Variants in TBXAS1 observed in about 807,000 individuals in gnomAD.
TBXAS1 encodes the protein thromboxane A synthase 1, also known as thromboxane-A synthase.
Under a neutral mutation model 60.7 loss-of-function variants are expected in TBXAS1, and 48 were observed. The ratio of observed to expected loss-of-function variants is 0.79; its 90% CI spans 0.63 to 1.01. The LOEUF (loss-of-function observed/expected upper bound fraction) is 1.01, where lower values mean the gene tolerates loss of function less well. TBXAS1 is among the 50% of genes least tolerant of loss of function. The pLI, the probability that TBXAS1 is intolerant of heterozygous loss-of-function variation, is 0.00. For missense variants in TBXAS1, 685 were observed against 686.3 expected, an observed-to-expected ratio of 1.00 and a Z score of 0.02; for synonymous variants, 287 against 269.7, an observed-to-expected ratio of 1.06 and a Z score of -0.63.
rs773192069 is a variant in TBXAS1 at position 140,013,413 on chromosome 7, C to T, written c.1227-2310C>T. ...CTCCAAGAGTTGAGTTGTGTGGCTC[C>T]AGGTAGACTCATTTCCCAGGGTCAC... On this transcript the variant is annotated intron_variant, in intron 10 of 12. Coordinates refer to ENST00000448866, the MANE Select transcript of TBXAS1 (RefSeq NM_001061.7). The surrounding 1 kb of genome is among the most constrained non-coding windows in gnomAD (Gnocchi z 4.2). 1.3e-5 allele frequency among the ~76,000 whole-genome samples: 2 copies of T among 152,114 alleles called. No homozygotes were observed. The highest frequency in any genetic ancestry group is 2.9e-5 in the Non-Finnish European group (2 of 68,022).
intron 4 of TBXAS1, among the ~76,000 whole-genome samples, chr7:139,924,667 C>A (rs1806747742): frequency 1.3e-5 from 2 of 152,112 alleles, no homozygotes; most frequent in Admixed American, 1.3e-4. Flanking sequence ...TTGATGCAAT[C>A]TCAATCGTCC....
At chr7:139,998,867 G>T (rs760586704) in intron 9 of TBXAS1, among the ~76,000 whole-genome samples, 39 of 152,210 alleles carry the variant, frequency 2.6e-4, no homozygotes, top group Non-Finnish European at 4.8e-4. Context: ...GGGCCTCAGA[G>T]TACAAAAACA....
At chr7:139,836,962 G>A (rs1799106377) in intron 1 of TBXAS1, among the ~76,000 whole-genome samples, 1 of 151,884 alleles carries the variant, frequency 6.6e-6, no homozygotes, top group East Asian at 1.9e-4. Context: ...AAACAAATCA[G>A]TAAGAAAAAA....
intron 4 of TBXAS1, among the ~76,000 whole-genome samples, chr7:139,919,678 T>G (rs1206090071): frequency 1.3e-5 from 2 of 152,196 alleles, no homozygotes; most frequent in Non-Finnish European, 2.9e-5. Flanking sequence ...AGCCAGTGGT[T>G]CTTGTGTGGC....
At chr7:139,890,254 C>T (rs1263661758) in intron 3 of TBXAS1, among the ~76,000 whole-genome samples, 1 of 115,232 alleles carries the variant, frequency 8.7e-6, no homozygotes, top group Non-Finnish European at 1.7e-5. Context: ...CTCGTTTTGT[C>T]GCCCAGGCTG....
At chr7:139,950,092 G>A (rs1308478972) in intron 5 of TBXAS1, among the ~76,000 whole-genome samples, 11 of 136,846 alleles carry the variant, frequency 8.0e-5, no homozygotes, top group South Asian at 2.3e-4. Flanking sequence ...TCATTCCAGT[G>A]ATGCATTCTT....
chr7:140,007,406 G>A (rs567187616), intron 10 of TBXAS1, among the ~76,000 whole-genome samples: 2 of 152,240 alleles, frequency 1.3e-5, no homozygotes, highest in African/African-American at 4.8e-5. Context: ...TCTTAACACC[G>A]CCTTCCTCCC....
intron 4 of TBXAS1, among the ~76,000 whole-genome samples, chr7:139,925,633 A>G (rs1806819985): frequency 6.6e-6 from 1 of 152,170 alleles, no homozygotes; most frequent in East Asian, 1.9e-4. Flanking sequence ...GGATACGTTT[A>G]TTTCATTCTC....
chr7:139,925,971 C>T lies in TBXAS1; in HGVS notation c.334-10220C>T, dbSNP rs367556970. On this transcript the variant is annotated intron_variant, in intron 4 of 12. Transcript: ENST00000448866. ...TGTATATGTTGAGCCATGCTTGCAT[C>T]CCAGTGATAAATCCCACTTGGTCAT... Among the ~76,000 whole-genome samples, 4 of 152,292 alleles carry T rather than the reference C, an allele frequency of 2.6e-5. No individual in the cohort carries two copies. In the South Asian group the frequency reaches 8.3e-4, roughly 32 times the overall value.
At chr7:139,828,445 A>G (rs563278724), upstream of TBXAS1, among the ~76,000 whole-genome samples, 1 of 152,284 alleles carries the variant, frequency 6.6e-6, no homozygotes, top group East Asian at 1.9e-4. Flanking sequence ...GGGCACTCAC[A>G]GTATTTGGAG....
intron 9 of TBXAS1, among the ~76,000 whole-genome samples, chr7:139,976,789 A>G (rs1811594173): frequency 6.6e-6 from 1 of 152,320 alleles, no homozygotes; most frequent in East Asian, 1.9e-4. Flanking sequence ...CCAGAATCCC[A>G]TGAGGCACAG....
intron 9 of TBXAS1, among the ~76,000 whole-genome samples, chr7:139,996,090 T>C (rs1389959259): frequency 1.3e-5 from 2 of 151,884 alleles, no homozygotes; most frequent in African/African-American, 4.8e-5. Context: ...CACCTCGGCC[T>C]CCCGAGTAGC....
At chr7:139,911,854 A>G (rs1805552067) in intron 4 of TBXAS1, among the ~76,000 whole-genome samples, 2 of 152,334 alleles carry the variant, frequency 1.3e-5, no homozygotes, top group South Asian at 2.1e-4. Context: ...ATGCATGTAC[A>G]TATCCCTTTG....
intron 9 of TBXAS1, among the ~76,000 whole-genome samples, chr7:139,967,399 C>T (rs1314593324): frequency 2.0e-5 from 3 of 152,234 alleles, no homozygotes; most frequent in Non-Finnish European, 4.4e-5. Flanking sequence ...AGGGAGGACC[C>T]TCTTCCCTAG....
intron 9 of TBXAS1, among the ~76,000 whole-genome samples, chr7:139,984,614 AAGAGAGAG>A (rs748137753): frequency 1.4e-4 from 9 of 65,550 alleles, no homozygotes; most frequent in African/African-American, 3.6e-4. Context: ...ATAAGAAAGA[AAGAGAGAG>A]AGAGAGAGAG....
chr7:139,810,481 G>A (rs560447354), intron 4 of TBXAS1, among the ~76,000 whole-genome samples: 1 of 152,322 alleles, frequency 6.6e-6, no homozygotes, highest in Admixed American at 6.5e-5. Flanking sequence ...CATGGGGATA[G>A]ATGAATGGAA....
chr7:139,981,962 T>C (rs1182487822), intron 9 of TBXAS1, among the ~76,000 whole-genome samples: 1 of 152,252 alleles, frequency 6.6e-6, no homozygotes, highest in Non-Finnish European at 1.5e-5. Flanking sequence ...CATAATACAA[T>C]ACAGCTGTTA....
intron 4 of TBXAS1, among the ~76,000 whole-genome samples, chr7:139,811,917 G>A (rs1235443986): frequency 6.6e-6 from 1 of 152,156 alleles, no homozygotes; most frequent in African/African-American, 2.4e-5. Flanking sequence ...TCGAGCAATT[G>A]CATTTCATAA....
intron 3 of TBXAS1, among the ~76,000 whole-genome samples, chr7:139,886,458 G>T (rs1803120669): frequency 7.2e-6 from 1 of 139,316 alleles, no homozygotes; most frequent in Admixed American, 7.9e-5. Context: ...CGGAATCTAT[G>T]GCTGGTGAAT....
Sources: allele counts gnomAD v4.1 joint callset (sites outside exome capture counted in the v4.1 genomes callset), GRCh38; gene constraint gnomAD v4.1.1; non-coding constraint Gnocchi (gnomAD v3.1); transcripts MANE v1.5; gene names NCBI Gene and HGNC (gene_info 2026-07-23, HGNC 2026-07-21).